Variants in GABRG2 observed in about 807,000 individuals in gnomAD.
GABRG2 encodes gamma-aminobutyric acid type A receptor subunit gamma2.
In GABRG2, 16 loss-of-function variants were observed where a neutral mutation model predicts 56.4. That is an observed-to-expected ratio of 0.28 (90% CI 0.19 to 0.43). GABRG2 has a LOEUF of 0.43. GABRG2 is among the 20% of genes least tolerant of loss of function. The probability of loss-of-function intolerance (pLI) is 1.00; values close to 1 mark genes in which losing one functional copy is unlikely to be tolerated. For synonymous variants in GABRG2, 208 were observed against 205.5 expected, an observed-to-expected ratio of 1.01 and a Z score of -0.10; for missense variants, 327 against 582.7, an observed-to-expected ratio of 0.56 and a Z score of 4.52.
intron 6 of GABRG2, among the ~76,000 whole-genome samples, chr5:162,124,479 T>C (rs915898327): frequency 1.3e-5 from 2 of 151,874 alleles, no homozygotes; most frequent in African/African-American, 4.8e-5. Flanking sequence ...GTATGCCCTT[T>C]AGAGAGGCCC....
At chr5:162,094,078 T>G (rs1241135944) in intron 2 of GABRG2, 99 bp downstream of exon 2, 10 of 1,350,002 alleles carry the variant, frequency 7.4e-6, no homozygotes, top group Middle Eastern at 1.8e-4. Context: ...CAAGGAAGAT[T>G]TAAATTATAC....
intron 1 of GABRG2, among the ~76,000 whole-genome samples, chr5:162,081,007 G>T (rs1339329063): frequency 6.6e-6 from 1 of 151,970 alleles, no homozygotes; most frequent in African/African-American, 2.4e-5. Context: ...ATTATGATTT[G>T]TGCATTAATT....
At position 162,147,213 on chromosome 5, in the gene GABRG2, CTTCT is replaced by C. The variant is rs967509810; in HGVS notation, c.923-1886_923-1883del. Among the ~76,000 whole-genome samples, 21 of 150,434 alleles carry C rather than the reference CTTCT, an allele frequency of 1.4e-4. No individual in the cohort carries two copies. The East Asian group carries it at 2.3e-3, about 17-fold the overall frequency. Reference sequence around the variant, plus strand: ...TTTCTTTCTCTTTCTTTCTTTCTTCCTTCTTTCTTTCTCTTTCTTTCTTCTTTCT... The same window carrying C: ...TTTCTTTCTCTTTCTTTCTTTCTTCCTTCTTTCTCTTTCTTTCTTCTTTCT... On this transcript the variant is annotated intron_variant, in intron 7 of 9. Coordinates refer to ENST00000639213, the MANE Select transcript of GABRG2 (RefSeq NM_198904.4).
intron 6 of GABRG2, among the ~76,000 whole-genome samples, chr5:162,104,336 T>C (rs1208389754): frequency 6.6e-6 from 1 of 152,136 alleles, no homozygotes; most frequent in African/African-American, 2.4e-5. Context: ...AGAAAGTATG[T>C]TTCATAATGT....
At chr5:162,078,694 C>T (rs937475863) in intron 1 of GABRG2, among the ~76,000 whole-genome samples, 29 of 151,452 alleles carry the variant, frequency 1.9e-4, no homozygotes, top group Non-Finnish European at 3.7e-4. Flanking sequence ...TATGAGCCAC[C>T]GTGCCCGGCC....
chr5:162,092,754 C>G (rs1760698482), intron 1 of GABRG2, among the ~76,000 whole-genome samples: 1 of 151,934 alleles, frequency 6.6e-6, no homozygotes, highest in Non-Finnish European at 1.5e-5. Context: ...TCATTCTATA[C>G]TATATGTTTA....
chr5:162,085,688 T>G (rs189129445), intron 1 of GABRG2, among the ~76,000 whole-genome samples: 2 of 151,762 alleles, frequency 1.3e-5, no homozygotes, highest in Non-Finnish European at 2.9e-5. Context: ...GTATTAAGCT[T>G]GGTGCCCATC....
At chr5:162,099,490 T>G (rs983481064) in intron 4 of GABRG2, 2 of 152,094 alleles carry the variant, frequency 1.3e-5, no homozygotes, top group African/African-American at 4.8e-5. Flanking sequence ...CCATGTGGTC[T>G]TGAACTCCTA....
chr5:162,077,661 A>G (rs1759243833), intron 1 of GABRG2, among the ~76,000 whole-genome samples: 1 of 152,182 alleles, frequency 6.6e-6, no homozygotes. Context: ...AAAAGTTAGC[A>G]GTTTAAAATA....
At chr5:162,121,777 G>A (rs922561826) in intron 6 of GABRG2, among the ~76,000 whole-genome samples, 16 of 152,024 alleles carry the variant, frequency 1.1e-4, no homozygotes, top group African/African-American at 3.9e-4. Context: ...TGAAGTGGAA[G>A]CATTTGAAAT....
chr5:162,119,067 G>T (rs770000727), intron 6 of GABRG2, among the ~76,000 whole-genome samples: 1 of 152,050 alleles, frequency 6.6e-6, no homozygotes, highest in African/African-American at 2.4e-5. Flanking sequence ...AGTCATTTGA[G>T]AATTGAAAAT....
rs372090232 is a variant in GABRG2 at position 162,141,806 on chromosome 5, C to T, written c.770-358C>T. ...TACAAAACCTAGAATGAATTGCAGACAAGATACGCACAATGTAGAAATACT... is the reference window on the plus strand; with the variant it reads ...TACAAAACCTAGAATGAATTGCAGATAAGATACGCACAATGTAGAAATACT... On this transcript the variant is annotated intron_variant, in intron 6 of 9. Transcript: ENST00000639213. Among the ~76,000 whole-genome samples, 178 of 152,240 alleles carry T rather than the reference C, an allele frequency of 1.2e-3. 6 individuals carry two copies. The South Asian group carries it at 0.036, about 31-fold the overall frequency.
At chr5:162,108,417 A>G (rs1336418932) in intron 6 of GABRG2, among the ~76,000 whole-genome samples, 2 of 152,152 alleles carry the variant, frequency 1.3e-5, no homozygotes, top group Non-Finnish European at 2.9e-5. Context: ...TGTTTAACTA[A>G]CCAGTCTTAC....
chr5:162,071,417 G>A (rs1308284085), intron 1 of GABRG2, among the ~76,000 whole-genome samples: 1 of 151,470 alleles, frequency 6.6e-6, no homozygotes, highest in Non-Finnish European at 1.5e-5. Flanking sequence ...ATTTTTCAAG[G>A]ATAAATTGAG....
At chr5:162,097,898 AAAAC>A (rs753535427) in intron 4 of GABRG2, 40 bp downstream of exon 4, 4 of 1,532,414 alleles carry the variant, frequency 2.6e-6, no homozygotes, top group Non-Finnish European at 2.7e-6. Flanking sequence ...TGTTAGGAAG[AAAAC>A]AAACAAACAC....
At chr5:162,153,067 C>T (rs1391960086) in intron 9 of GABRG2, 26 bp from the exon 10 acceptor site, 1 of 1,613,664 alleles carries the variant, frequency 6.2e-7, no homozygotes, top group Non-Finnish European at 8.5e-7. Context: ...CTAACTGATC[C>T]CTCTCCTTCC....
At position 162,093,857 on chromosome 5, in the gene GABRG2, A is replaced by T. The variant is rs1218953360; in HGVS notation, c.137A>T (p.Tyr46Phe). The T allele has an allele frequency of 6.2e-7, 1 of 1,613,054 alleles. No individual in the cohort carries two copies. Residue 46 changes from tyrosine to phenylalanine, a missense_variant, in exon 2 of 10, where the codon TAT becomes TTT. Coordinates refer to ENST00000639213, the MANE Select transcript of GABRG2 (RefSeq NM_198904.4). ...ACTAGCCAGAAATCTGATGATGACT[A>T]TGAAGATTATGCTTCTAACAAAACA... ...GFTSQKSDDD[Y>F]EDYASNKTWV...
chr5:162,119,560 A>G (rs1270344620), intron 6 of GABRG2, among the ~76,000 whole-genome samples: 1 of 152,096 alleles, frequency 6.6e-6, no homozygotes. Flanking sequence ...ATGTTCCCAA[A>G]TAGGGTTCAA....
chr5:162,136,349 C>T (rs1336773734), intron 6 of GABRG2, among the ~76,000 whole-genome samples: 1 of 152,092 alleles, frequency 6.6e-6, no homozygotes, highest in African/African-American at 2.4e-5. Context: ...CTACATGTAG[C>T]TCTCGCGCAC....
Sources: gnomAD v4.1 joint callset for allele counts (sites outside exome capture counted in the v4.1 genomes callset) on GRCh38, gnomAD v4.1.1 for gene constraint, MANE v1.5 for transcripts, NCBI Gene and HGNC (gene_info 2026-07-23, HGNC 2026-07-21) for gene names.